C1orf167: variants seen among roughly 807,000 people sequenced by gnomAD.
The protein encoded by C1orf167 is uncharacterized protein C1orf167.
In C1orf167, 153 loss-of-function variants were observed where a neutral mutation model predicts 176.5. The ratio of observed to expected loss-of-function variants is 0.87; its 90% CI spans 0.76 to 0.99. The LOEUF (loss-of-function observed/expected upper bound fraction) is 0.99. Ranked by LOEUF, C1orf167 falls within the 50% of genes least tolerant of loss-of-function variation. The probability of loss-of-function intolerance (pLI) is 0.00; values close to 1 mark genes in which losing one functional copy is unlikely to be tolerated. For missense variants in C1orf167, 1,490 were observed against 1,817.7 expected (o/e 0.82, Z 3.28); for synonymous variants, 594 against 752.7 (o/e 0.79, Z 3.45).
chr1:11,763,532 C>T (rs1215538097), intron 1 of C1orf167, among the ~76,000 whole-genome samples: 1 of 151,736 alleles, frequency 6.6e-6, no homozygotes, highest in African/African-American at 2.4e-5. Context: ...AGTCTGTAAA[C>T]AAATGGGCTT....
chr1:11,770,720 C>T (rs1643014088), intron 6 of C1orf167, among the ~76,000 whole-genome samples: 1 of 151,498 alleles, frequency 6.6e-6, no homozygotes, highest in South Asian at 2.1e-4. Flanking sequence ...CCTCAACCTA[C>T]CACAGTGCTG....
Position 11,772,179 on chromosome 1 carries a change from C to T in C1orf167, c.1908C>T (p.Pro636=). 1.5e-6 allele frequency: 2 copies of T among 1,304,352 alleles called. No individual in the cohort carries two copies. Among genetic ancestry groups the T allele is most frequent in the Non-Finnish European group, 2.0e-6 (2 of 988,970 alleles). The allele number at this position is 1,304,352 out of a possible 1,614,324, so 80.8% of individuals were successfully genotyped here. Residue 636 remains proline, a synonymous_variant, in exon 8 of 21, where the codon CCC becomes CCT. Coordinates refer to ENST00000688073, the MANE Select transcript of C1orf167 (RefSeq NM_001010881.2). ...TRATQRTGSF[P]QAWHSTAAGV... ...CCACACAGAGGACAGGGAGCTTCCC[C>T]CAGGCCTGGCACTCTACTGCTGCAG... is the stretch of plus-strand genomic sequence containing the variant.
intron 9 of C1orf167, 126 bp from the exon 10 acceptor site, chr1:11,776,338 G>A (rs1643313048): frequency 1.2e-6 from 1 of 829,594 alleles, no homozygotes; most frequent in Admixed American, 4.4e-5. Flanking sequence ...GGGAGGGCTT[G>A]GAAGCGGTGG....
In C1orf167 at chr1:11,766,858, T is replaced by C; in HGVS notation, c.1072T>C (p.Ser358Pro). 1 of 1,277,908 alleles carries C rather than the reference T, an allele frequency of 7.8e-7. No homozygotes were observed. Among genetic ancestry groups the C allele is most frequent in the Non-Finnish European group, 1.0e-6 (1 of 981,794 alleles). 79.2% of individuals were successfully genotyped at this position (1,277,908 alleles called of 1,614,324 possible). A position where few individuals can be genotyped will look rare whatever the true frequency, so the allele number is the denominator to read the frequency against. The change falls in exon 3 of 21, where the codon TCC (serine) becomes CCC (proline). Residue 358 changes from serine (S) to proline (P), a missense_variant. By Grantham distance (74) the Ser-to-Pro change is moderately conservative (BLOSUM62 -1). Coordinates refer to ENST00000688073, the MANE Select transcript of C1orf167 (RefSeq NM_001010881.2). This position sits in a 1 kb window ranked among gnomAD's most constrained non-coding sequence, Gnocchi z 4.5. ...AHPLGSGDSC[S>P]PWSQDGRAQR... is the part of the protein sequence containing the mutation. ...CCCCCTAGGGTCAGGGGACAGCTGC[T>C]CCCCCTGGTCTCAAGATGGCAGGGC...
At chr1:11,783,984 A>T (rs1643714013) in intron 14 of C1orf167, among the ~76,000 whole-genome samples, 190 bp from the exon 15 acceptor site, 2 of 152,066 alleles carry the variant, frequency 1.3e-5, no homozygotes, top group Admixed American at 1.3e-4. Flanking sequence ...CAGACTCCCA[A>T]GTAGCTGGGA....
At position 11,779,005 on chromosome 1, in the gene C1orf167, G is replaced by C; in HGVS notation, c.2576G>C (p.Cys859Ser). ...WAAGQRQQGQCLLLWQARAQQ... is the reference protein window; with the variant it reads ...WAAGQRQQGQSLLLWQARAQQ... ...GCTGGGCAGCGGCAGCAGGGGCAGT[G>C]CCTTCTGCTCTGGCAGGCACGGGCC... The change falls in exon 12 of 21, where the codon TGC becomes TCC. Residue 859 changes from cysteine (C) to serine (S), a missense_variant. Physicochemically the swap from Cys to Ser is moderately radical, Grantham distance 112 (BLOSUM62 -1). Coordinates refer to ENST00000688073, the MANE Select transcript of C1orf167 (RefSeq NM_001010881.2). The C allele has an allele frequency of 7.7e-7, 1 of 1,302,474 alleles. No individual in the cohort carries two copies. The highest frequency in any genetic ancestry group is 5.6e-5 in the East Asian group (1 of 18,002). 80.7% of individuals were successfully genotyped at this position (1,302,474 alleles called of 1,614,324 possible). A position where few individuals can be genotyped will look rare whatever the true frequency, so the allele number is the denominator to read the frequency against.
rs374802601 is a variant in C1orf167, at chr1:11,779,930, G to A, written c.2780G>A (p.Arg927Gln). The A allele has an allele frequency of 6.7e-5, 87 of 1,301,932 alleles. 3 individuals are homozygous for A. The East Asian group carries it at 7.8e-4, about 12-fold the overall frequency. 80.6% of individuals were successfully genotyped at this position (1,301,932 alleles called of 1,614,324 possible). A position where few individuals can be genotyped will look rare whatever the true frequency, so the allele number is the denominator to read the frequency against. Residue 927 changes from arginine to glutamine, a missense_variant, in exon 13 of 21, where the codon CGG becomes CAG. Arg to Gln is a conservative substitution (Grantham distance 43). Transcript: ENST00000688073. ...GLWRQRLLQS[R>Q]LVEWWAQERG... ...TGGCGTCAGCGGCTGCTGCAGTCAC[G>A]GCTGGTGGAGTGGTGGGCCCAGGAG...
At chr1:11,777,281 A>C (rs751604452) in intron 10 of C1orf167, 8 of 152,782 alleles carry the variant, frequency 5.2e-5, no homozygotes, top group Non-Finnish European at 1.2e-4. Flanking sequence ...AGGTGAGGGG[A>C]GGGTGGCGAT....
chr1:11,782,918 CAAA>C (rs70983597), intron 14 of C1orf167, among the ~76,000 whole-genome samples: 42 of 104,872 alleles, frequency 4.0e-4, no homozygotes, highest in Admixed American at 4.0e-4. Context: ...GACTCCATCT[CAAA>C]AAAAAAAAAA....
chr1:11,780,999 C>CTTTTTTTTTTT (rs386366239), intron 13 of C1orf167, among the ~76,000 whole-genome samples: 1 of 92,788 alleles, frequency 1.1e-5, no homozygotes, highest in Non-Finnish European at 2.0e-5. Flanking sequence ...CCCAACCAGT[C>CTTTTTTTTTTT]TTTTTTTTTT....
chr1:11,781,648 C>G (rs938206045), intron 13 of C1orf167, among the ~76,000 whole-genome samples: 2 of 152,144 alleles, frequency 1.3e-5, no homozygotes, highest in African/African-American at 4.8e-5. Context: ...CAGTGGCTCA[C>G]GCCTGTAATC....
At position 11,788,278 on chromosome 1, in the gene C1orf167, T is replaced by C; in HGVS notation, c.3978T>C (p.Thr1326=). The change falls in exon 19 of 21, where the codon ACT becomes ACC. Residue 1326 remains threonine (T), a synonymous_variant. Transcript: ENST00000688073. ...CTGCAGCGCCGGTGCCTCGAGGCAC[T>C]GCTTCACGGGCTGCGGGGTTCCCAG... ...EVPAAPVPRG[T]ASRAAGFPAG... is the part of the protein sequence containing the mutation. The C allele has an allele frequency of 7.7e-7, 1 of 1,303,814 alleles. No homozygotes were observed. The highest frequency in any genetic ancestry group is 1.0e-6 in the Non-Finnish European group (1 of 988,656). The allele number at this position is 1,303,814 out of a possible 1,614,324, so 80.8% of individuals were successfully genotyped here.
chr1:11,785,418 A>C, intron 16 of C1orf167, 129 bp downstream of exon 16: 4 of 1,018,888 alleles, frequency 3.9e-6, no homozygotes, highest in Non-Finnish European at 3.8e-6. Context: ...AGGTCCAAAA[A>C]TGACCCTCGG....
chr1:11,773,064 A>AT (rs1340080517), intron 8 of C1orf167, among the ~76,000 whole-genome samples: 2 of 151,466 alleles, frequency 1.3e-5, no homozygotes, highest in African/African-American at 4.8e-5. Context: ...CGCCCGGCTA[A>AT]TTTTTTTTGT....
chr1:11,767,649 C>T lies in C1orf167; in HGVS notation c.1343+385C>T, dbSNP rs576956060. On this transcript the variant is annotated intron_variant, in intron 4 of 20. Coordinates refer to ENST00000688073, the MANE Select transcript of C1orf167 (RefSeq NM_001010881.2). ...ACCAGCCTGAGCAACATGGCAAAAC[C>T]CCGTCTCTACAAAAAAAATTACAAA... Among the ~76,000 whole-genome samples, 3 of 152,050 alleles carry T rather than the reference C, an allele frequency of 2.0e-5. No homozygotes were observed. In the South Asian group the frequency reaches 6.2e-4, roughly 32 times the overall value.
At position 11,788,045 on chromosome 1, in the gene C1orf167, A is replaced by G; in HGVS notation, c.3846A>G (p.Leu1282=). The change falls in exon 18 of 21, where the codon CTA becomes CTG. Residue 1282 remains leucine, a splice_region_variant and synonymous_variant. Transcript: ENST00000688073. ...KAQSKAHKRR[L]RARSCRILEK... ...AAAGCAAGGCCCATAAACGGAGGCTACGGTAAGAGGAGCTGTGTGTGCAGT... is the reference window on the plus strand; with the variant it reads ...AAAGCAAGGCCCATAAACGGAGGCTGCGGTAAGAGGAGCTGTGTGTGCAGT... 1.5e-6 allele frequency: 2 copies of G among 1,295,470 alleles called. No individual in the cohort carries two copies. Among genetic ancestry groups the G allele is most frequent in the Non-Finnish European group, 2.0e-6 (2 of 983,796 alleles). 80.2% of individuals were successfully genotyped at this position (1,295,470 alleles called of 1,614,324 possible).
intron 14 of C1orf167, 79 bp downstream of exon 14, chr1:11,782,412 G>C (rs1643642518): frequency 1.8e-6 from 2 of 1,141,144 alleles, no homozygotes; most frequent in African/African-American, 1.7e-5. Context: ...GGGGTGGGAA[G>C]CTCAGACGGT....
chr1:11,766,158 C>T lies in C1orf167; in HGVS notation c.372C>T (p.Asn124=). 3.9e-6 allele frequency: 5 copies of T among 1,289,850 alleles called. No individual in the cohort carries two copies. Among genetic ancestry groups the T allele is most frequent in the Non-Finnish European group, 5.1e-6 (5 of 988,862 alleles). 79.9% of individuals were successfully genotyped at this position (1,289,850 alleles called of 1,614,324 possible). A position where few individuals can be genotyped will look rare whatever the true frequency, so the allele number is the denominator to read the frequency against. ...GAGAGTTTGCCATCCAGCAGAGCAA[C>T]CTGAGCATCAACGAGACCAGCAGCC... The part of the protein sequence containing the change: ...KAREFAIQQS[N]LSINETSSPH... Residue 124 remains asparagine (N), a synonymous_variant, in exon 3 of 21, where the codon AAC becomes AAT. Transcript: ENST00000688073. The surrounding 1 kb of genome is among the most constrained non-coding windows in gnomAD (Gnocchi z 4.5).
At chr1:11,781,866 G>A (rs1643618484) in intron 13 of C1orf167, among the ~76,000 whole-genome samples, 2 of 151,222 alleles carry the variant, frequency 1.3e-5, no homozygotes, top group Admixed American at 6.6e-5. Flanking sequence ...GCTGAGATTG[G>A]GCCACTGCAC....
Sources: gnomAD v4.1 joint callset for allele counts (sites outside exome capture counted in the v4.1 genomes callset) on GRCh38, gnomAD v4.1.1 for gene constraint, Gnocchi (gnomAD v3.1) non-coding constraint, MANE v1.5 for transcripts, NCBI Gene and HGNC (gene_info 2026-07-23, HGNC 2026-07-21) for gene names.